The following TREML4 variants were observed in gnomAD, a reference collection of about 807,000 sequenced individuals.
The protein encoded by TREML4 is triggering receptor expressed on myeloid cells like 4, also known as trem-like transcript 4 protein.
In TREML4, 25 loss-of-function variants were observed where a neutral mutation model predicts 25.4. The observed-to-expected ratio is 0.98, with a 90% CI of 0.72 to 1.37. The LOEUF (loss-of-function observed/expected upper bound fraction) is 1.37, where lower values mean the gene tolerates loss of function less well. TREML4 is among the 40% of genes most tolerant of loss of function. The pLI is 0.00. For synonymous variants in TREML4, 92 were observed against 87.9 expected, an observed-to-expected ratio of 1.05 and a Z score of -0.26; for missense variants, 268 against 236.5, an observed-to-expected ratio of 1.13 and a Z score of -0.87.
At chr6:41,230,172 C>T (rs1766764000) in intron 4 of TREML4, 50 bp downstream of exon 4, 1 of 1,447,366 alleles carries the variant, frequency 6.9e-7, no homozygotes, top group Non-Finnish European at 9.7e-7. Flanking sequence ...AAGGGAGGGC[C>T]TGATTAGCTC....
In TREML4 at chr6:41,236,504, C is replaced by T. The variant is rs771370054; in HGVS notation, c.525C>T (p.Ala175=). Residue 175 remains alanine (A), a synonymous_variant, in exon 5 of 6, where the codon GCC becomes GCT. Transcript: ENST00000341495. The stretch of plus-strand genomic sequence containing the variant: ...CCTGCAGGAAATCAAGAGCCCCTGC[C>T]TGCCTTGGCTCAGGTGGCCCCAGAT... ...GSETRKSRAP[A]CLGSGGPRFL... The T allele has an allele frequency of 4.3e-6, 7 of 1,614,038 alleles. No homozygotes were observed. The highest frequency in any genetic ancestry group is 5.1e-6 in the Non-Finnish European group (6 of 1,180,022).
intron 4 of TREML4, among the ~76,000 whole-genome samples, chr6:41,233,855 A>G (rs1045064504): frequency 2.0e-5 from 3 of 151,204 alleles, no homozygotes; most frequent in South Asian, 2.1e-4. Flanking sequence ...ATTTTCAAAT[A>G]TATAAAATAT....
intron 3 of TREML4, 45 bp from the exon 4 acceptor site, chr6:41,230,017 T>C: frequency 6.6e-7 from 1 of 1,522,058 alleles, no homozygotes; most frequent in Non-Finnish European, 9.1e-7. Flanking sequence ...CCATTCTCTA[T>C]TCTGGTGCCC....
At chr6:41,233,503 A>C (rs1309103720) in intron 4 of TREML4, among the ~76,000 whole-genome samples, 3 of 152,218 alleles carry the variant, frequency 2.0e-5, no homozygotes, top group Non-Finnish European at 2.9e-5. Flanking sequence ...TTTATAAAAA[A>C]GACAAAGATA....
chr6:41,234,913 G>T (rs1766868482), intron 4 of TREML4, among the ~76,000 whole-genome samples: 1 of 151,576 alleles, frequency 6.6e-6, no homozygotes, highest in South Asian at 2.1e-4. Context: ...AATTAAAGGA[G>T]ATACAAAAAA....
At position 41,238,577 on chromosome 6, in the gene TREML4, TC is replaced by T. The variant is rs1226092457; in HGVS notation, c.*1559del. 2 of 152,238 alleles carry T rather than the reference TC, an allele frequency of 1.3e-5. No homozygotes were observed. The highest frequency in any genetic ancestry group is 2.9e-5 in the Non-Finnish European group (2 of 68,042). The allele number at this position is 152,238 out of a possible 1,614,324, so 9.4% of individuals were successfully genotyped here. On this transcript the variant is annotated 3_prime_UTR_variant, in exon 6 of 6. Transcript: ENST00000341495. ...CCCTCCTTCACGTTCTCTTGTGGAA[TC>T]ATGTGAGACTTCCTTTAGGACTTAT...
rs767365880 is a variant in TREML4 at position 41,228,850 on chromosome 6, T to C, written c.200T>C (p.Val67Ala). The change falls in exon 2 of 6, where the codon GTC becomes GCC. Residue 67 changes from valine to alanine, a missense_variant. Coordinates refer to ENST00000341495, the MANE Select transcript of TREML4 (RefSeq NM_198153.3). Reference sequence around the variant, plus strand: ...TCTCCAAGTCGGTGTACCTTACTTGTCACCAGCTCCAAGCCCTGGACAGCA... The same window carrying C: ...TCTCCAAGTCGGTGTACCTTACTTGCCACCAGCTCCAAGCCCTGGACAGCA... ...QTSPSRCTLL[V>A]TSSKPWTAVQ... The C allele has an allele frequency of 6.2e-7, 1 of 1,614,110 alleles. No individual in the cohort carries two copies. Among genetic ancestry groups the C allele is most frequent in the Admixed American group, 1.7e-5 (1 of 60,020 alleles).
chr6:41,232,540 C>A, intron 4 of TREML4: 1 of 160,402 alleles, frequency 6.2e-6, no homozygotes, highest in Non-Finnish European at 1.4e-5. Context: ...AAGCGCATAA[C>A]ATTTACTGTG....
chr6:41,228,719 T>G lies in TREML4; in HGVS notation c.69T>G (p.Ala23=). ...CTGCCGGTTCCTGGGTAAAGGGTGCTGTGCCTGAAGAACTTCACAAACACC... is the reference window on the plus strand; with the variant it reads ...CTGCCGGTTCCTGGGTAAAGGGTGCGGTGCCTGAAGAACTTCACAAACACC... ...LCCCCSWPQG[A]VPEELHKHPG... The change falls in exon 2 of 6, where the codon GCT becomes GCG. Residue 23 remains alanine, a synonymous_variant. Transcript: ENST00000341495. 1 of 1,612,394 alleles carries G rather than the reference T, an allele frequency of 6.2e-7. No homozygotes were observed. Among genetic ancestry groups the G allele is most frequent in the Non-Finnish European group, 8.5e-7 (1 of 1,178,902 alleles).
chr6:41,232,807 C>G (rs1159592921), intron 4 of TREML4, among the ~76,000 whole-genome samples: 1 of 152,164 alleles, frequency 6.6e-6, no homozygotes, highest in Admixed American at 6.6e-5. Flanking sequence ...CACCACTGAT[C>G]TAACAGGAAG....
intron 1 of TREML4, 60 bp from the exon 2 acceptor site, chr6:41,228,654 G>A: frequency 6.5e-7 from 1 of 1,546,528 alleles, no homozygotes; most frequent in South Asian, 1.2e-5. Flanking sequence ...CTGTGATGGG[G>A]GAGGTTGGGT....
In TREML4 at chr6:41,228,991, C is replaced by T. The variant is rs1367921471; in HGVS notation, c.341C>T (p.Ala114Val). 5.0e-6 allele frequency: 8 copies of T among 1,614,158 alleles called. No homozygotes were observed. The highest frequency in any genetic ancestry group is 5.9e-6 in the Non-Finnish European group (7 of 1,180,000). The change falls in exon 2 of 6, where the codon GCT becomes GTT. Residue 114 changes from alanine to valine, a missense_variant. Ala to Val is a moderately conservative substitution (Grantham distance 64). Coordinates refer to ENST00000341495, the MANE Select transcript of TREML4 (RefSeq NM_198153.3). The part of the protein sequence containing the change: ...SGFYWCGIYN[A>V]SENIITVLRN... ...TTCTACTGGTGTGGAATCTACAACGCTTCCGAAAACATCATCACTGTTCTT... is the reference window on the plus strand; with the variant it reads ...TTCTACTGGTGTGGAATCTACAACGTTTCCGAAAACATCATCACTGTTCTT...
chr6:41,234,566 C>A (rs1400993268), intron 4 of TREML4, among the ~76,000 whole-genome samples: 1 of 151,910 alleles, frequency 6.6e-6, no homozygotes, highest in South Asian at 2.1e-4. Context: ...AATAACCACA[C>A]ACTGATTCTA....
At chr6:41,232,038 C>T (rs549410593) in intron 4 of TREML4, among the ~76,000 whole-genome samples, 237 of 152,262 alleles carry the variant, frequency 1.6e-3, no homozygotes, top group Non-Finnish European at 3.0e-3. Flanking sequence ...TTTCAGATCA[C>T]CTACAAAGTG....
At position 41,228,442 on chromosome 6, in the gene TREML4, G is replaced by T. The variant is rs536013094; in HGVS notation, c.15G>T (p.Gly5=). 175 of 1,612,238 alleles carry T rather than the reference G, an allele frequency of 1.1e-4. 1 individual carries two copies. The South Asian group carries it at 1.8e-3, about 17-fold the overall frequency. The stretch of plus-strand genomic sequence containing the variant: ...TCTGGGCTGGAATGGCCTGGGGTGG[G>T]GTCCACACCTGCTGCTTCCACCTGT... MAWG[G]VHTCCFHLCC... The change falls in exon 1 of 6, where the codon GGG becomes GGT. Residue 5 remains glycine, a synonymous_variant. Transcript: ENST00000341495.
At position 41,237,157 on chromosome 6, in the gene TREML4, C is replaced by G. The variant is rs1157971303; in HGVS notation, c.*138C>G. ...ATCCTGGATGAATCCCAGTTCTTCC[C>G]CTGCCCAGCTATTGGGAGCTGGCCT... On this transcript the variant is annotated 3_prime_UTR_variant, in exon 6 of 6. Transcript: ENST00000341495. 1 of 153,852 alleles carries G rather than the reference C, an allele frequency of 6.5e-6. No individual in the cohort carries two copies. Among genetic ancestry groups the G allele is most frequent in the Non-Finnish European group, 1.5e-5 (1 of 68,928 alleles). The allele number at this position is 153,852 out of a possible 1,614,324, so 9.5% of individuals were successfully genotyped here.
At chr6:41,229,419 T>C (rs1380842618) in intron 2 of TREML4, 102 bp from the exon 3 acceptor site, 1 of 1,267,298 alleles carries the variant, frequency 7.9e-7, no homozygotes, top group South Asian at 1.2e-5. Flanking sequence ...TAAGACATCC[T>C]GAGGGTCTGG....
chr6:41,229,699 G>T, intron 3 of TREML4, 128 bp downstream of exon 3: 2 of 950,522 alleles, frequency 2.1e-6, no homozygotes, highest in Non-Finnish European at 3.4e-6. Context: ...CTGGGCTTGT[G>T]GGAAGCTACC....
chr6:41,231,966 T>C (rs1766808779), intron 4 of TREML4, among the ~76,000 whole-genome samples: 1 of 152,096 alleles, frequency 6.6e-6, no homozygotes, highest in South Asian at 2.1e-4. Context: ...CACACAAAAA[T>C]ACCTCTAGAC....
Sources: gnomAD v4.1 joint callset for allele counts (sites outside exome capture counted in the v4.1 genomes callset) on GRCh38, gnomAD v4.1.1 for gene constraint, MANE v1.5 for transcripts, NCBI Gene and HGNC (gene_info 2026-07-23, HGNC 2026-07-21) for gene names.